The following TTC39C variants were observed in gnomAD, a reference collection of about 807,000 sequenced individuals.
The protein encoded by TTC39C is tetratricopeptide repeat domain 39C, also known as tetratricopeptide repeat protein 39C.
Under a neutral mutation model 76.3 loss-of-function variants are expected in TTC39C, and 33 were observed. The ratio of observed to expected loss-of-function variants is 0.43; its 90% CI spans 0.33 to 0.58. TTC39C has a LOEUF of 0.58. Among genes scored for constraint, TTC39C ranks in the 20% least tolerant of loss-of-function variants. TTC39C has a pLI of 0.04. For missense variants in TTC39C, 595 were observed against 701.4 expected (o/e 0.85, Z 1.71); for synonymous variants, 254 against 260.6 (o/e 0.97, Z 0.24).
chr18:24,050,075 G>T (rs1240515972), intron 1 of TTC39C, among the ~76,000 whole-genome samples: 4 of 152,086 alleles, frequency 2.6e-5, no homozygotes, highest in Non-Finnish European at 5.9e-5. Flanking sequence ...CTGGTGCCTG[G>T]ACACCATTTG....
At position 24,132,629 on chromosome 18, in the gene TTC39C, A is replaced by G. The variant is rs2085147069; in HGVS notation, c.*55A>G. On this transcript the variant is annotated 3_prime_UTR_variant, in exon 14 of 14. Coordinates refer to ENST00000317571, the MANE Select transcript of TTC39C (RefSeq NM_001135993.2). ...CCACCCAGGGTCCGCACTTTAAAAT[A>G]AAAGCAGAGGACAAAGCTCTTGTGA... 2 of 1,481,170 alleles carry G rather than the reference A, an allele frequency of 1.4e-6. No individual in the cohort carries two copies. The highest frequency in any genetic ancestry group is 1.8e-5 in the Admixed American group (1 of 54,202). 91.8% of individuals were successfully genotyped at this position (1,481,170 alleles called of 1,614,324 possible).
intron 1 of TTC39C, among the ~76,000 whole-genome samples, chr18:24,048,432 A>G (rs770782142): frequency 1.3e-5 from 2 of 152,228 alleles, no homozygotes; most frequent in Non-Finnish European, 2.9e-5. Context: ...AGGTGTTTTT[A>G]TGCCCTGCCT....
At chr18:24,079,528 C>CT (rs763792119) in intron 4 of TTC39C, among the ~76,000 whole-genome samples, 20 of 152,276 alleles carry the variant, frequency 1.3e-4, no homozygotes, top group Middle Eastern at 6.8e-3. Flanking sequence ...TGTGCTGTAA[C>CT]TTTTTTACTG....
intron 6 of TTC39C, among the ~76,000 whole-genome samples, chr18:24,107,079 A>C (rs1447557286): frequency 1.3e-5 from 2 of 152,132 alleles, no homozygotes; most frequent in African/African-American, 4.8e-5. Context: ...TAGACGTGGA[A>C]TCTTTTGCTG....
intron 6 of TTC39C, among the ~76,000 whole-genome samples, chr18:24,108,454 CTT>C (rs2084773783): frequency 6.6e-6 from 1 of 152,180 alleles, no homozygotes; most frequent in African/African-American, 2.4e-5. Flanking sequence ...GACATGGAAA[CTT>C]TTGCTGGGTA....
At chr18:24,091,402 A>G (rs1184860981) in intron 6 of TTC39C, among the ~76,000 whole-genome samples, 1 of 152,182 alleles carries the variant, frequency 6.6e-6, no homozygotes, top group Non-Finnish European at 1.5e-5. Context: ...AGATCATGCC[A>G]CTGCACTCCA....
intron 6 of TTC39C, among the ~76,000 whole-genome samples, chr18:24,100,745 C>T (rs1271768993): frequency 1.3e-5 from 2 of 152,204 alleles, no homozygotes; most frequent in Non-Finnish European, 2.9e-5. Flanking sequence ...GTTGCTTTCA[C>T]GTCAGGCAGT....
chr18:24,052,985 T>A (rs541751683), intron 1 of TTC39C, among the ~76,000 whole-genome samples: 133 of 152,306 alleles, frequency 8.7e-4, no homozygotes, highest in East Asian at 3.9e-3. Context: ...TATTTTATAA[T>A]CTGATTTGTA....
At chr18:23,993,599 TG>T (rs1439736002) in intron 1 of TTC39C, among the ~76,000 whole-genome samples, 2 of 152,224 alleles carry the variant, frequency 1.3e-5, no homozygotes, top group South Asian at 2.1e-4. Context: ...AAGATCGAAA[TG>T]TAGGCCTCCA....
chr18:24,042,405 C>T (rs984792819), intron 1 of TTC39C, among the ~76,000 whole-genome samples: 7 of 152,264 alleles, frequency 4.6e-5, no homozygotes, highest in Non-Finnish European at 8.8e-5. Context: ...AGACCCCCCA[C>T]GTGCACAGTT....
At chr18:23,993,678 T>C (rs1237204545) in intron 1 of TTC39C, among the ~76,000 whole-genome samples, 1 of 152,344 alleles carries the variant, frequency 6.6e-6, no homozygotes, top group Admixed American at 6.5e-5. Flanking sequence ...CAGATCAAAG[T>C]TTATTTTTCA....
chr18:24,002,396 C>T (rs988526042), intron 1 of TTC39C, among the ~76,000 whole-genome samples: 1 of 152,160 alleles, frequency 6.6e-6, no homozygotes, highest in East Asian at 1.9e-4. Flanking sequence ...GATGAGATCT[C>T]TAGTGATGGT....
At chr18:24,000,302 GTCCT>G (rs1203676752) in intron 1 of TTC39C, 2 of 152,212 alleles carry the variant, frequency 1.3e-5, no homozygotes, top group African/African-American at 2.4e-5. Flanking sequence ...TATAACTGCA[GTCCT>G]TATAAGAAGG....
chr18:24,046,531 T>C lies in TTC39C; in HGVS notation c.168-17609T>C, dbSNP rs981987898. Reference sequence around the variant, plus strand: ...AGCGTTTTCTAGAGCCTGTGCTTTTTCCAGCACACCAGAGTAAGCATTACC... The same window carrying C: ...AGCGTTTTCTAGAGCCTGTGCTTTTCCCAGCACACCAGAGTAAGCATTACC... On this transcript the variant is annotated intron_variant, in intron 1 of 13. Coordinates refer to ENST00000317571, the MANE Select transcript of TTC39C (RefSeq NM_001135993.2). Among the ~76,000 whole-genome samples the C allele has an allele frequency of 2.8e-4, 42 of 152,014 alleles. 2 individuals carry two copies. The highest frequency in any genetic ancestry group is 9.9e-4 in the African/African-American group (41 of 41,260).
chr18:24,024,303 G>A (rs771331042), intron 1 of TTC39C, among the ~76,000 whole-genome samples: 5 of 151,500 alleles, frequency 3.3e-5, no homozygotes, highest in African/African-American at 1.2e-4. Flanking sequence ...GAGCCACCGC[G>A]CCTGGCCTAC....
At position 24,014,762 on chromosome 18, in the gene TTC39C, C is replaced by A; in HGVS notation, c.-110C>A. The A allele has an allele frequency of 8.6e-7, 1 of 1,160,426 alleles. No homozygotes were observed. The allele number at this position is 1,160,426 out of a possible 1,614,324, so 71.9% of individuals were successfully genotyped here. A position where few individuals can be genotyped will look rare whatever the true frequency, so the allele number is the denominator to read the frequency against. On this transcript the variant is annotated 5_prime_UTR_variant, in exon 1 of 14. Transcript: ENST00000317571. ...GTCTTCTCCCCTCCCCTCCCCTCCC[C>A]TCCCGGCTCCGCTTGGCTCCGGGCA...
chr18:24,100,859 C>T (rs1460479161), intron 6 of TTC39C, among the ~76,000 whole-genome samples: 2 of 152,178 alleles, frequency 1.3e-5, no homozygotes, highest in African/African-American at 4.8e-5. Context: ...TCTGAAGCAC[C>T]AGCCCAGTCT....
At chr18:24,067,159 C>G (rs1168220911) in intron 3 of TTC39C, among the ~76,000 whole-genome samples, 2 of 152,168 alleles carry the variant, frequency 1.3e-5, no homozygotes, top group Non-Finnish European at 2.9e-5. Flanking sequence ...TTGTTTTGTA[C>G]TAAGAATGCA....
intron 1 of TTC39C, among the ~76,000 whole-genome samples, chr18:24,020,638 A>G (rs570062904): frequency 2.6e-5 from 4 of 152,328 alleles, no homozygotes; most frequent in Non-Finnish European, 4.4e-5. Context: ...CTGGTAACTT[A>G]TAATACCTAA....
Sources: gnomAD v4.1 joint callset for allele counts (sites outside exome capture counted in the v4.1 genomes callset) on GRCh38, gnomAD v4.1.1 for gene constraint, MANE v1.5 for transcripts, NCBI Gene and HGNC (gene_info 2026-07-23, HGNC 2026-07-21) for gene names.